The following CTXN1 variants were observed in gnomAD, a reference collection of about 807,000 sequenced individuals.
The protein encoded by CTXN1 is cortexin-1.
Under a neutral mutation model 5.5 loss-of-function variants are expected in CTXN1, and 4 were observed. The observed-to-expected ratio is 0.73, with a 90% CI of 0.36 to 1.68. The LOEUF (loss-of-function observed/expected upper bound fraction) is 1.68, where lower values mean the gene tolerates loss of function less well. CTXN1 is among the 40% of genes most tolerant of loss of function. The pLI is 0.05. For synonymous variants in CTXN1, 67 were observed against 62.8 expected, an observed-to-expected ratio of 1.07 and a Z score of -0.32; for missense variants, 111 against 123.0, an observed-to-expected ratio of 0.90 and a Z score of 0.46.
chr19:7,925,822 G>A lies in CTXN1; in HGVS notation c.-21+145C>T. On this transcript the variant is annotated intron_variant, in intron 1 of 1. Coordinates refer to ENST00000318978, the MANE Select transcript of CTXN1 (RefSeq NM_206833.4). The surrounding 1 kb of genome is among the most constrained non-coding windows in gnomAD (Gnocchi z 5.0). ...GGGAAACGGAGCCGCGCCCGGCCTG[G>A]GCCGCACACAACAGGTGCGAAAGCG... is the stretch of plus-strand genomic sequence containing the variant. 7.4e-6 allele frequency: 2 copies of A among 269,952 alleles called. No individual in the cohort carries two copies. The highest frequency in any genetic ancestry group is 1.4e-5 in the Non-Finnish European group (2 of 144,970). 16.7% of individuals were successfully genotyped at this position (269,952 alleles called of 1,614,324 possible). A position where few individuals can be genotyped will look rare whatever the true frequency, so the allele number is the denominator to read the frequency against.
Position 7,925,271 on chromosome 19 carries a change from C to A in CTXN1, c.*19G>T. 2.2e-6 allele frequency: 3 copies of A among 1,334,886 alleles called. No homozygotes were observed. Among genetic ancestry groups the A allele is most frequent in the Non-Finnish European group, 2.9e-6 (3 of 1,040,130 alleles). 82.7% of individuals were successfully genotyped at this position (1,334,886 alleles called of 1,614,324 possible). A position where few individuals can be genotyped will look rare whatever the true frequency, so the allele number is the denominator to read the frequency against. On this transcript the variant is annotated 3_prime_UTR_variant, in exon 2 of 2. Coordinates refer to ENST00000318978, the MANE Select transcript of CTXN1 (RefSeq NM_206833.4). This position sits in a 1 kb window ranked among gnomAD's most constrained non-coding sequence, Gnocchi z 5.0. ...CTCTGAGACCCCGGCGCAGGGCCGG[C>A]TAGGGGGCGCCGCGCCCCTCACACC...
In CTXN1 at chr19:7,924,978, G is replaced by A; in HGVS notation, c.*312C>T. 1 of 239,288 alleles carries A rather than the reference G, an allele frequency of 4.2e-6. No individual in the cohort carries two copies. Among genetic ancestry groups the A allele is most frequent in the Non-Finnish European group, 8.0e-6 (1 of 125,748 alleles). 14.8% of individuals were successfully genotyped at this position (239,288 alleles called of 1,614,324 possible). A position where few individuals can be genotyped will look rare whatever the true frequency, so the allele number is the denominator to read the frequency against. The stretch of plus-strand genomic sequence containing the variant: ...GCAGAGCCACTTACACGCTGGGGAG[G>A]GGGCGGTGCGGGGGTCCTCCTCCCG... On this transcript the variant is annotated 3_prime_UTR_variant, in exon 2 of 2. Transcript: ENST00000318978.
Position 7,925,214 on chromosome 19 carries a change from CTGGCCCCGCGGCGCCCCCCGCCGGG to C in CTXN1, c.*51_*75del. Reference sequence around the variant, plus strand: ...CCGGGGCGGGATCCTGAGCGCAGTCCTGGCCCCGCGGCGCCCCCCGCCGGGCCGGCCCTCTGAGACCCCGGCGCAG... The same window carrying C: ...CCGGGGCGGGATCCTGAGCGCAGTCCCCGGCCCTCTGAGACCCCGGCGCAG... On this transcript the variant is annotated 3_prime_UTR_variant, in exon 2 of 2. Transcript: ENST00000318978. This position sits in a 1 kb window ranked among gnomAD's most constrained non-coding sequence, Gnocchi z 5.0. The C allele has an allele frequency of 8.6e-7, 1 of 1,169,440 alleles. No homozygotes were observed. Among genetic ancestry groups the C allele is most frequent in the Non-Finnish European group, 1.1e-6 (1 of 924,652 alleles). The allele number at this position is 1,169,440 out of a possible 1,614,324, so 72.4% of individuals were successfully genotyped here. A position where few individuals can be genotyped will look rare whatever the true frequency, so the allele number is the denominator to read the frequency against.
In CTXN1 at chr19:7,924,680, C is replaced by G. The variant is rs1983719607; in HGVS notation, c.*610G>C. On this transcript the variant is annotated 3_prime_UTR_variant, in exon 2 of 2. Transcript: ENST00000318978. The stretch of plus-strand genomic sequence containing the variant: ...CCTGTCCTGGGGCCCGGGTTGGGGG[C>G]AGAAATGAGCCTGCCCACGCTGTCC... The G allele has an allele frequency of 1.3e-5, 2 of 152,110 alleles. No individual in the cohort carries two copies. The highest frequency in any genetic ancestry group is 4.1e-4 in the South Asian group (2 of 4,864). The allele number at this position is 152,110 out of a possible 1,614,324, so 9.4% of individuals were successfully genotyped here. A position where few individuals can be genotyped will look rare whatever the true frequency, so the allele number is the denominator to read the frequency against.
Position 7,925,167 on chromosome 19 carries a change from C to T in CTXN1, c.*123G>A. ...GCTGGGCTTCTCCCAACTCCCTCCC[C>T]CTCTCCCCCGGGCTGGGGGCTCCGG... On this transcript the variant is annotated 3_prime_UTR_variant, in exon 2 of 2. Transcript: ENST00000318978. The surrounding 1 kb of genome is among the most constrained non-coding windows in gnomAD (Gnocchi z 5.0). 1.4e-6 allele frequency: 1 copy of T among 719,640 alleles called. No individual in the cohort carries two copies. The highest frequency in any genetic ancestry group is 1.9e-6 in the Non-Finnish European group (1 of 519,510). The allele number at this position is 719,640 out of a possible 1,614,324, so 44.6% of individuals were successfully genotyped here.
rs556405983 is a variant in CTXN1, at chr19:7,924,594, G to C, written c.*696C>G. 8 of 152,648 alleles carry C rather than the reference G, an allele frequency of 5.2e-5. No homozygotes were observed. The highest frequency in any genetic ancestry group is 1.9e-4 in the African/African-American group (8 of 41,514). The allele number at this position is 152,648 out of a possible 1,614,324, so 9.5% of individuals were successfully genotyped here. On this transcript the variant is annotated 3_prime_UTR_variant, in exon 2 of 2. Coordinates refer to ENST00000318978, the MANE Select transcript of CTXN1 (RefSeq NM_206833.4). ...TGCGGGAGGCACGGCAGGGGGGTCA[G>C]GGGCAAGTGGCAGGAGGGCGGATGG... is the stretch of plus-strand genomic sequence containing the variant.
chr19:7,925,640 T>TGCCGCC lies in CTXN1; in HGVS notation c.-20-88_-20-83dup, dbSNP rs1002322596. On this transcript the variant is annotated intron_variant, in intron 1 of 1. Transcript: ENST00000318978. The surrounding 1 kb of genome is among the most constrained non-coding windows in gnomAD (Gnocchi z 5.0). ...GCGCCTCCTCCGCTTCGCCCCCTCC[T>TGCCGCC]GCCGCCGCCGCCGCCGCCTCCCTTA... 1.4e-5 allele frequency: 16 copies of TGCCGCC among 1,163,700 alleles called. 1 individual carries two copies. The highest frequency in any genetic ancestry group is 9.1e-5 in the South Asian group (3 of 33,060). The allele number at this position is 1,163,700 out of a possible 1,614,324, so 72.1% of individuals were successfully genotyped here. A position where few individuals can be genotyped will look rare whatever the true frequency, so the allele number is the denominator to read the frequency against.
Position 7,925,558 on chromosome 19 carries a change from C to T in CTXN1, c.-20G>A. On this transcript the variant is annotated splice_region_variant and 5_prime_UTR_variant, in exon 2 of 2. Transcript: ENST00000318978. The surrounding 1 kb of genome is among the most constrained non-coding windows in gnomAD (Gnocchi z 5.0). The stretch of plus-strand genomic sequence containing the variant: ...GCTCATGGCTCACATCGCCGCGCGC[C>T]CTGCGGAGGAGGGGACCCGCCCCGG... 7.3e-7 allele frequency: 1 copy of T among 1,365,652 alleles called. No individual in the cohort carries two copies. Among genetic ancestry groups the T allele is most frequent in the Admixed American group, 3.5e-5 (1 of 28,820 alleles). 84.6% of individuals were successfully genotyped at this position (1,365,652 alleles called of 1,614,324 possible). A position where few individuals can be genotyped will look rare whatever the true frequency, so the allele number is the denominator to read the frequency against.
In CTXN1 at chr19:7,925,153, C is replaced by T. The variant is rs990196618; in HGVS notation, c.*137G>A. 28 of 612,656 alleles carry T rather than the reference C, an allele frequency of 4.6e-5. No homozygotes were observed. The highest frequency in any genetic ancestry group is 1.8e-4 in the East Asian group (5 of 27,718). 38.0% of individuals were successfully genotyped at this position (612,656 alleles called of 1,614,324 possible). A position where few individuals can be genotyped will look rare whatever the true frequency, so the allele number is the denominator to read the frequency against. On this transcript the variant is annotated 3_prime_UTR_variant, in exon 2 of 2. Coordinates refer to ENST00000318978, the MANE Select transcript of CTXN1 (RefSeq NM_206833.4). This position sits in a 1 kb window ranked among gnomAD's most constrained non-coding sequence, Gnocchi z 5.0. ...CTCGAGGGGGAGGGGCTGGGCTTCTCCCAACTCCCTCCCCCTCTCCCCCGG... is the reference window on the plus strand; with the variant it reads ...CTCGAGGGGGAGGGGCTGGGCTTCTTCCAACTCCCTCCCCCTCTCCCCCGG...
Position 7,925,567 on chromosome 19 carries a change from G to A in CTXN1, c.-20-9C>T, listed in dbSNP as rs910420746. Reference sequence around the variant, plus strand: ...TCACATCGCCGCGCGCCCTGCGGAGGAGGGGACCCGCCCCGGGCGCCGGGG... The same window carrying A: ...TCACATCGCCGCGCGCCCTGCGGAGAAGGGGACCCGCCCCGGGCGCCGGGG... On this transcript the variant is annotated splice_polypyrimidine_tract_variant and intron_variant, in intron 1 of 1. Coordinates refer to ENST00000318978, the MANE Select transcript of CTXN1 (RefSeq NM_206833.4). This position sits in a 1 kb window ranked among gnomAD's most constrained non-coding sequence, Gnocchi z 5.0. 6.7e-6 allele frequency: 9 copies of A among 1,339,096 alleles called. No homozygotes were observed. Among genetic ancestry groups the A allele is most frequent in the Admixed American group, 8.0e-5 (2 of 25,066 alleles). The allele number at this position is 1,339,096 out of a possible 1,614,324, so 83.0% of individuals were successfully genotyped here.
At position 7,925,333 on chromosome 19, in the gene CTXN1, T is replaced by A; in HGVS notation, c.206A>T (p.Lys69Met). 6.5e-7 allele frequency: 1 copy of A among 1,533,680 alleles called. No homozygotes were observed. Among genetic ancestry groups the A allele is most frequent in the Non-Finnish European group, 8.7e-7 (1 of 1,143,838 alleles). ...GAACTGCCCGCGCTCGAGCGCCTCC[T>A]TGTGGTCGGTCCAGGACGAGGCGGG... ...RMPASSWTDH[K>M]EALERGQFDY... Residue 69 changes from lysine to methionine, a missense_variant, in exon 2 of 2, where the codon AAG (lysine) becomes ATG (methionine). Transcript: ENST00000318978. This position sits in a 1 kb window ranked among gnomAD's most constrained non-coding sequence, Gnocchi z 5.0.
rs1373561231 is a variant in CTXN1 at position 7,926,134 on chromosome 19, G to A, written c.-188C>T. On this transcript the variant is annotated 5_prime_UTR_variant, in exon 1 of 2. Transcript: ENST00000318978. ...CGGCGGAGACCGAGGCAGGCAAGCA[G>A]CGCGCGAGCCGGGCCGCCGCGGCTG... 2 of 144,666 alleles carry A rather than the reference G, an allele frequency of 1.4e-5. No homozygotes were observed. Among genetic ancestry groups the A allele is most frequent in the Non-Finnish European group, 3.0e-5 (2 of 65,712 alleles). The allele number at this position is 144,666 out of a possible 1,614,324, so 9.0% of individuals were successfully genotyped here.
In CTXN1 at chr19:7,925,419, C is replaced by A; in HGVS notation, c.120G>T (p.Val40=). 6.3e-7 allele frequency: 1 copy of A among 1,588,468 alleles called. No homozygotes were observed. Among genetic ancestry groups the A allele is most frequent in the Non-Finnish European group, 8.5e-7 (1 of 1,172,448 alleles). The part of the protein sequence containing the change: ...TVFAFVLCLL[V]VLVLLMVRCV... ...AGCGCACCATCAACAGCACCAGCAC[C>A]ACGAGCAGGCAGAGCACGAAGGCGA... Residue 40 remains valine, a synonymous_variant, in exon 2 of 2, where the codon GTG becomes GTT. Coordinates refer to ENST00000318978, the MANE Select transcript of CTXN1 (RefSeq NM_206833.4). The surrounding 1 kb of genome is among the most constrained non-coding windows in gnomAD (Gnocchi z 5.0).
Position 7,925,542 on chromosome 19 carries a change from T to C in CTXN1, c.-4A>G. 1 of 1,405,772 alleles carries C rather than the reference T, an allele frequency of 7.1e-7. No homozygotes were observed. Among genetic ancestry groups the C allele is most frequent in the South Asian group, 1.5e-5 (1 of 65,736 alleles). The allele number at this position is 1,405,772 out of a possible 1,614,324, so 87.1% of individuals were successfully genotyped here. On this transcript the variant is annotated 5_prime_UTR_variant, in exon 2 of 2. An upstream open reading frame in the 5' UTR loses its in-frame stop. Coordinates refer to ENST00000318978, the MANE Select transcript of CTXN1 (RefSeq NM_206833.4). The surrounding 1 kb of genome is among the most constrained non-coding windows in gnomAD (Gnocchi z 5.0). ...ACAGCGTCCACGTCGCGCTCATGGC[T>C]CACATCGCCGCGCGCCCTGCGGAGG...
Position 7,925,446 on chromosome 19 carries a change from C to T in CTXN1, c.93G>A (p.Val31=). The change falls in exon 2 of 2, where the codon GTG becomes GTA. Residue 31 remains valine (V), a synonymous_variant. Coordinates refer to ENST00000318978, the MANE Select transcript of CTXN1 (RefSeq NM_206833.4). The surrounding 1 kb of genome is among the most constrained non-coding windows in gnomAD (Gnocchi z 5.0). ...CGAGCAGGCAGAGCACGAAGGCGAACACCGTGCGCTGCTCCGCGTCCAGGC... is the reference window on the plus strand; with the variant it reads ...CGAGCAGGCAGAGCACGAAGGCGAATACCGTGCGCTGCTCCGCGTCCAGGC... ...GAGLDAEQRT[V]FAFVLCLLVV... 6.3e-7 allele frequency: 1 copy of T among 1,579,976 alleles called. No homozygotes were observed. The highest frequency in any genetic ancestry group is 1.7e-4 in the Middle Eastern group (1 of 5,992).
rs1412685206 is a variant in CTXN1 at position 7,925,501 on chromosome 19, G to A, written c.38C>T (p.Pro13Leu). The change falls in exon 2 of 2, where the codon CCG (proline) becomes CTG (leucine). Residue 13 changes from proline to leucine, a missense_variant. By Grantham distance (98) the Pro-to-Leu change is moderately conservative (BLOSUM62 -3). Coordinates refer to ENST00000318978, the MANE Select transcript of CTXN1 (RefSeq NM_206833.4). The surrounding 1 kb of genome is among the most constrained non-coding windows in gnomAD (Gnocchi z 5.0). ...GCCCACCGGGGGCCCCGTCGACGGC[G>A]GCAGGGGCTCCGGCGACAGCGTCCA... ...ATWTLSPEPL[P>L]PSTGPPVGAG... 6.6e-7 allele frequency: 1 copy of A among 1,512,674 alleles called. No homozygotes were observed. Among genetic ancestry groups the A allele is most frequent in the Non-Finnish European group, 8.8e-7 (1 of 1,136,678 alleles). The allele number at this position is 1,512,674 out of a possible 1,614,324, so 93.7% of individuals were successfully genotyped here.
chr19:7,925,646 C>G lies in CTXN1; in HGVS notation c.-20-88G>C, dbSNP rs1162588941. ...CCTCCGCTTCGCCCCCTCCTGCCGC[C>G]GCCGCCGCCGCCTCCCTTAACGTGC... is the stretch of plus-strand genomic sequence containing the variant. On this transcript the variant is annotated intron_variant, in intron 1 of 1. Coordinates refer to ENST00000318978, the MANE Select transcript of CTXN1 (RefSeq NM_206833.4). This position sits in a 1 kb window ranked among gnomAD's most constrained non-coding sequence, Gnocchi z 5.0. 3.8e-5 allele frequency: 42 copies of G among 1,102,784 alleles called. No individual in the cohort carries two copies. The highest frequency in any genetic ancestry group is 1.3e-4 in the Admixed American group (3 of 22,882). The allele number at this position is 1,102,784 out of a possible 1,614,324, so 68.3% of individuals were successfully genotyped here. A position where few individuals can be genotyped will look rare whatever the true frequency, so the allele number is the denominator to read the frequency against.
Position 7,924,887 on chromosome 19 carries a change from A to T in CTXN1, c.*403T>A, listed in dbSNP as rs1206489120. The T allele has an allele frequency of 1.3e-5, 2 of 158,054 alleles. No individual in the cohort carries two copies. The highest frequency in any genetic ancestry group is 2.8e-5 in the Non-Finnish European group (2 of 72,210). The allele number at this position is 158,054 out of a possible 1,614,324, so 9.8% of individuals were successfully genotyped here. A position where few individuals can be genotyped will look rare whatever the true frequency, so the allele number is the denominator to read the frequency against. On this transcript the variant is annotated 3_prime_UTR_variant, in exon 2 of 2. Coordinates refer to ENST00000318978, the MANE Select transcript of CTXN1 (RefSeq NM_206833.4). The stretch of plus-strand genomic sequence containing the variant: ...TCAACACTCAGTCAAGGTGGGGTTG[A>T]CGACGGCCAGACAACAGGGGAGGGA...
In CTXN1 at chr19:7,925,237, G is replaced by T. The variant is rs1002306758; in HGVS notation, c.*53C>A. On this transcript the variant is annotated 3_prime_UTR_variant, in exon 2 of 2. Transcript: ENST00000318978. The surrounding 1 kb of genome is among the most constrained non-coding windows in gnomAD (Gnocchi z 5.0). ...TCCTGGCCCCGCGGCGCCCCCCGCC[G>T]GGCCGGCCCTCTGAGACCCCGGCGC... is the stretch of plus-strand genomic sequence containing the variant. The T allele has an allele frequency of 2.5e-6, 3 of 1,194,884 alleles. No homozygotes were observed. The highest frequency in any genetic ancestry group is 3.1e-6 in the Non-Finnish European group (3 of 961,940). The allele number at this position is 1,194,884 out of a possible 1,614,324, so 74.0% of individuals were successfully genotyped here. A position where few individuals can be genotyped will look rare whatever the true frequency, so the allele number is the denominator to read the frequency against.
Sources: gnomAD v4.1 joint callset for allele counts on GRCh38, gnomAD v4.1.1 for gene constraint, Gnocchi (gnomAD v3.1) non-coding constraint, MANE v1.5 for transcripts, NCBI Gene and HGNC (gene_info 2026-07-23, HGNC 2026-07-21) for gene names.